Variants in GRIN2A observed in about 807,000 individuals in gnomAD.
The protein encoded by GRIN2A is glutamate receptor ionotropic, NMDA 2A.
A neutral mutation model predicts 113.4 loss-of-function variants in GRIN2A; 22 were observed. That is an observed-to-expected ratio of 0.19 (90% CI 0.14 to 0.28). The LOEUF is 0.28. Among genes scored for constraint, GRIN2A ranks in the 10% least tolerant of loss-of-function variants. The pLI is 1.00. For missense variants in GRIN2A, 1,502 were observed against 1,887.0 expected (o/e 0.80, Z 3.78); for synonymous variants, 827 against 738.4 (o/e 1.12, Z -1.94).
chr16:9,806,710 A>T (rs139006535), intron 10 of GRIN2A, among the ~76,000 whole-genome samples: 5 of 151,346 alleles, frequency 3.3e-5, no homozygotes, highest in African/African-American at 4.9e-5. Context: ...AGATGTTAGT[A>T]AGGTACAGAG....
At chr16:10,137,596 C>G (rs2049225125) in intron 2 of GRIN2A, among the ~76,000 whole-genome samples, 1 of 152,198 alleles carries the variant, frequency 6.6e-6, no homozygotes, top group Non-Finnish European at 1.5e-5. Flanking sequence ...GGCTGTATGG[C>G]CACTGTATGC....
intron 3 of GRIN2A, among the ~76,000 whole-genome samples, chr16:9,921,732 C>T (rs945537104): frequency 1.3e-5 from 2 of 152,048 alleles, no homozygotes; most frequent in African/African-American, 4.8e-5. Context: ...TCCTGGAATT[C>T]ATCATCATCT....
At chr16:9,870,942 T>C (rs1029527839) in intron 4 of GRIN2A, among the ~76,000 whole-genome samples, 1 of 152,162 alleles carries the variant, frequency 6.6e-6, no homozygotes, top group Non-Finnish European at 1.5e-5. Context: ...CTGGCTCAAG[T>C]AACTTTCAAA....
intron 2 of GRIN2A, among the ~76,000 whole-genome samples, chr16:10,099,560 A>C (rs9936140): frequency 2.6e-5 from 4 of 151,926 alleles, no homozygotes; most frequent in Non-Finnish European, 5.9e-5. Context: ...GGATGATACT[A>C]TCTGGAGCTG....
chr16:9,962,557 A>T (rs1198767905), intron 2 of GRIN2A, among the ~76,000 whole-genome samples: 6 of 152,188 alleles, frequency 3.9e-5, no homozygotes, highest in Non-Finnish European at 5.9e-5. Flanking sequence ...TCAAAACCAC[A>T]ATGAGATACC....
At chr16:9,889,780 A>G (rs944158808) in intron 4 of GRIN2A, among the ~76,000 whole-genome samples, 3 of 152,070 alleles carry the variant, frequency 2.0e-5, no homozygotes, top group Non-Finnish European at 4.4e-5. Flanking sequence ...TTTGTTACTA[A>G]TTTTTATTTT....
intron 11 of GRIN2A, among the ~76,000 whole-genome samples, chr16:9,784,715 A>C (rs1302130340): frequency 1.1e-4 from 17 of 148,268 alleles, no homozygotes; most frequent in African/African-American, 1.2e-4. Flanking sequence ...AATATCCAGA[A>C]TCTACAATGA....
At position 10,029,141 on chromosome 16, in the gene GRIN2A, G is replaced by A. The variant is rs149755944; in HGVS notation, c.415-90590C>T. ...GAATCCATTTATCTATGGAAAATTG[G>A]GAGAGAGAGTCTACAAGAAGAGCAC... On this transcript the variant is annotated intron_variant, in intron 2 of 12. Transcript: ENST00000330684. Among the ~76,000 whole-genome samples the A allele has an allele frequency of 1.5e-3, 233 of 152,150 alleles. 3 individuals are homozygous for A. Among genetic ancestry groups the A allele is most frequent in the African/African-American group, 5.5e-3 (228 of 41,514 alleles).
intron 2 of GRIN2A, among the ~76,000 whole-genome samples, chr16:10,176,196 G>A (rs1437409423): frequency 7.9e-5 from 12 of 151,762 alleles, no homozygotes; most frequent in Admixed American, 7.9e-4. Flanking sequence ...GTAGAGATGG[G>A]GTTTAAGCAT....
At chr16:9,813,632 T>A (rs1020175179) in intron 10 of GRIN2A, among the ~76,000 whole-genome samples, 1 of 151,486 alleles carries the variant, frequency 6.6e-6, no homozygotes, top group Admixed American at 6.6e-5. Flanking sequence ...TAGGTGGCCT[T>A]GAAAATCCTT....
intron 2 of GRIN2A, among the ~76,000 whole-genome samples, chr16:10,146,045 GC>G (rs1287296113): frequency 2.0e-5 from 3 of 152,200 alleles, no homozygotes; most frequent in Admixed American, 1.3e-4. Context: ...CACCCTTGGT[GC>G]CAGGTAGAAA....
At chr16:10,021,315 C>A (rs1208859657) in intron 2 of GRIN2A, among the ~76,000 whole-genome samples, 2 of 152,178 alleles carry the variant, frequency 1.3e-5, no homozygotes, top group Admixed American at 6.5e-5. Context: ...CTCCTGGAAT[C>A]CCTCCTGGAT....
rs117983976 is a variant in GRIN2A, at chr16:10,038,065, C to T, written c.415-99514G>A. Among the ~76,000 whole-genome samples, 1,048 of 149,174 alleles carry T rather than the reference C, an allele frequency of 7.0e-3. 3 individuals are homozygous for T. The highest frequency in any genetic ancestry group is 0.01 in the Non-Finnish European group (695 of 67,624). ...AGGCTGCTGTAACAAAACACATAAA[C>T]TGCGCGTAAAAACAACAGACTTTAT... is the stretch of plus-strand genomic sequence containing the variant. On this transcript the variant is annotated intron_variant, in intron 2 of 12. Transcript: ENST00000330684.
chr16:9,812,872 C>G (rs979365302), intron 10 of GRIN2A, among the ~76,000 whole-genome samples: 1 of 152,132 alleles, frequency 6.6e-6, no homozygotes, highest in Non-Finnish European at 1.5e-5. Context: ...AACAGATTTT[C>G]AGGCCAAAGG....
intron 3 of GRIN2A, among the ~76,000 whole-genome samples, chr16:9,900,746 A>AAC (rs1199519365): frequency 3.9e-5 from 6 of 152,212 alleles, no homozygotes; most frequent in Admixed American, 2.6e-4. Flanking sequence ...TAGTATTTAT[A>AAC]ACACTGTTAA....
At chr16:10,129,995 C>A (rs2049028744) in intron 2 of GRIN2A, among the ~76,000 whole-genome samples, 1 of 152,080 alleles carries the variant, frequency 6.6e-6, no homozygotes, top group South Asian at 2.1e-4. Flanking sequence ...TTCTACATAG[C>A]AGGTAAGAGG....
intron 4 of GRIN2A, among the ~76,000 whole-genome samples, chr16:9,887,885 T>C (rs2043615843): frequency 6.6e-6 from 1 of 152,146 alleles, no homozygotes. Flanking sequence ...ATGGTGCAAC[T>C]ATCTCTACCA....
intron 2 of GRIN2A, among the ~76,000 whole-genome samples, chr16:10,101,353 G>C (rs146122598): frequency 6.2e-4 from 95 of 152,308 alleles, no homozygotes; most frequent in African/African-American, 2.0e-3. Flanking sequence ...GGAGAGAACA[G>C]AAACTAAAAG....
At chr16:10,046,727 G>A (rs2047266218) in intron 2 of GRIN2A, among the ~76,000 whole-genome samples, 2 of 152,088 alleles carry the variant, frequency 1.3e-5, no homozygotes, top group African/African-American at 2.4e-5. Flanking sequence ...TTGAGATTGT[G>A]TAATGGTCAA....
Sources: gnomAD v4.1 joint callset for allele counts (sites outside exome capture counted in the v4.1 genomes callset) on GRCh38, gnomAD v4.1.1 for gene constraint, MANE v1.5 for transcripts, NCBI Gene and HGNC (gene_info 2026-07-23, HGNC 2026-07-21) for gene names.